KCNH7: variants seen among roughly 807,000 people sequenced by gnomAD.
KCNH7 encodes the protein voltage-gated inwardly rectifying potassium channel KCNH7.
KCNH7 carries 49 observed loss-of-function variants against 120.8 expected under a neutral mutation model. The observed-to-expected ratio is 0.41, with a 90% CI of 0.32 to 0.51. The LOEUF is 0.51. KCNH7 is among the 20% of genes least tolerant of loss of function. The pLI is 0.38. For synonymous variants in KCNH7, 547 were observed against 516.1 expected, an observed-to-expected ratio of 1.06 and a Z score of -0.81; for missense variants, 1,097 against 1,446.6, an observed-to-expected ratio of 0.76 and a Z score of 3.92.
intron 2 of KCNH7, among the ~76,000 whole-genome samples, chr2:162,569,089 G>C (rs1418047490): frequency 3.3e-5 from 5 of 152,078 alleles, no homozygotes; most frequent in Non-Finnish European, 5.9e-5. Flanking sequence ...GATTGGAATA[G>C]TTTCAGAAGG....
chr2:162,568,978 G>T (rs1029898739), intron 2 of KCNH7, among the ~76,000 whole-genome samples: 9 of 152,062 alleles, frequency 5.9e-5, no homozygotes, highest in Admixed American at 4.6e-4. Context: ...TGGGATATTG[G>T]TCTAAAATTC....
intron 2 of KCNH7, among the ~76,000 whole-genome samples, chr2:162,620,768 C>G (rs537979443): frequency 6.6e-6 from 1 of 152,094 alleles, no homozygotes; most frequent in Non-Finnish European, 1.5e-5. Flanking sequence ...TACAATTTTT[C>G]TTGCATCTTT....
chr2:162,558,381 A>C (rs1174497217), intron 2 of KCNH7, among the ~76,000 whole-genome samples: 1 of 151,614 alleles, frequency 6.6e-6, no homozygotes, highest in South Asian at 2.1e-4. Context: ...TCACCATCTT[A>C]GCCAGGATGG....
At chr2:162,684,451 C>G (rs1349533130) in intron 2 of KCNH7, among the ~76,000 whole-genome samples, 2 of 152,128 alleles carry the variant, frequency 1.3e-5, no homozygotes, top group African/African-American at 4.8e-5. Context: ...ATCTACCCAT[C>G]TGACAAAGGG....
At chr2:162,529,541 T>A (rs1691842884) in intron 3 of KCNH7, among the ~76,000 whole-genome samples, 1 of 151,692 alleles carries the variant, frequency 6.6e-6, no homozygotes. Flanking sequence ...TCAAATATAG[T>A]TTTCAATAAT....
intron 2 of KCNH7, among the ~76,000 whole-genome samples, chr2:162,588,657 A>G (rs562264817): frequency 5.1e-4 from 78 of 152,118 alleles, no homozygotes; most frequent in Non-Finnish European, 9.1e-4. Flanking sequence ...TGATGTTTTG[A>G]TAAATATAAT....
intron 2 of KCNH7, among the ~76,000 whole-genome samples, chr2:162,744,951 C>T (rs1411015167): frequency 6.6e-6 from 1 of 152,182 alleles, no homozygotes; most frequent in Non-Finnish European, 1.5e-5. Flanking sequence ...TACTCAGACA[C>T]CACTTAACTT....
At chr2:162,765,356 T>G (rs988875132) in intron 2 of KCNH7, among the ~76,000 whole-genome samples, 1 of 152,210 alleles carries the variant, frequency 6.6e-6, no homozygotes, top group African/African-American at 2.4e-5. Flanking sequence ...TGACATTGTG[T>G]TTAAGAATGA....
rs1164120231 is a variant in KCNH7 at position 162,435,562 on chromosome 2, T to A, written c.1590A>T (p.Arg530=). 2.5e-6 allele frequency: 4 copies of A among 1,607,088 alleles called. No homozygotes were observed. The highest frequency in any genetic ancestry group is 3.4e-6 in the Non-Finnish European group (4 of 1,176,092). The stretch of plus-strand genomic sequence containing the variant: ...TGGCCACGCGCACAAGACGGAGGAG[T>A]CGGGCAGTCTTCAAAAGACCAATTA... The part of the protein sequence containing the change: ...TTLIGLLKTA[R]LLRLVRVARK... The change falls in exon 8 of 16, where the codon CGA becomes CGT. Residue 530 remains arginine (R), a synonymous_variant. Transcript: ENST00000332142.
rs780314916 is a variant in KCNH7, at chr2:162,702,444, T to C, written c.307+134093A>G. Among the ~76,000 whole-genome samples the C allele has an allele frequency of 4.6e-5, 7 of 152,164 alleles. No homozygotes were observed. In the South Asian group the frequency reaches 6.2e-4, roughly 14 times the overall value. Reference sequence around the variant, plus strand: ...TGGTTCTCACCTTCAATATAATGCGTTATCACTTTAATACAGTCAATGGAA... The same window carrying C: ...TGGTTCTCACCTTCAATATAATGCGCTATCACTTTAATACAGTCAATGGAA... On this transcript the variant is annotated intron_variant, in intron 2 of 15. Transcript: ENST00000332142.
chr2:162,530,674 G>A (rs1019410471), intron 3 of KCNH7, among the ~76,000 whole-genome samples: 2 of 152,068 alleles, frequency 1.3e-5, no homozygotes, highest in Middle Eastern at 3.4e-3. Context: ...TCACAATTTT[G>A]AAGGTTAAGA....
intron 2 of KCNH7, among the ~76,000 whole-genome samples, chr2:162,814,492 G>A (rs761283964): frequency 2.0e-5 from 3 of 152,116 alleles, no homozygotes; most frequent in East Asian, 1.9e-4. Flanking sequence ...TAAATCTGTC[G>A]TTTGGAACAA....
At chr2:162,441,220 G>T (rs566521135) in intron 7 of KCNH7, among the ~76,000 whole-genome samples, 20 of 152,178 alleles carry the variant, frequency 1.3e-4, no homozygotes, top group Admixed American at 1.2e-3. Flanking sequence ...AATATGATTT[G>T]TTCCTAAAAG....
At chr2:162,463,649 A>C (rs1168310279) in intron 6 of KCNH7, among the ~76,000 whole-genome samples, 1 of 151,990 alleles carries the variant, frequency 6.6e-6, no homozygotes, top group Non-Finnish European at 1.5e-5. Flanking sequence ...GAAGTTGGTT[A>C]TTTGAAAAAT....
At chr2:162,514,283 T>C (rs1238262035) in intron 4 of KCNH7, among the ~76,000 whole-genome samples, 2 of 151,692 alleles carry the variant, frequency 1.3e-5, no homozygotes, top group Non-Finnish European at 2.9e-5. Context: ...AAGAAACAAA[T>C]AGAGATAGTG....
intron 2 of KCNH7, among the ~76,000 whole-genome samples, chr2:162,794,923 G>C (rs967740273): frequency 1.3e-5 from 2 of 151,882 alleles, no homozygotes; most frequent in African/African-American, 2.4e-5. Flanking sequence ...TAAAAGTTCT[G>C]ATTCATGACC....
chr2:162,699,752 G>C (rs1686424680), intron 2 of KCNH7, among the ~76,000 whole-genome samples: 2 of 152,108 alleles, frequency 1.3e-5, no homozygotes, highest in South Asian at 2.1e-4. Context: ...AGCTTTTCCT[G>C]TTCCTGGTGA....
chr2:162,574,245 G>A (rs1181715542), intron 2 of KCNH7, among the ~76,000 whole-genome samples: 1 of 152,038 alleles, frequency 6.6e-6, no homozygotes, highest in East Asian at 1.9e-4. Flanking sequence ...CAATGCAAAT[G>A]TGACGGCTTG....
chr2:162,741,286 T>TATTAATAACATATGTTATTAATTAC (rs1688124196), intron 2 of KCNH7, among the ~76,000 whole-genome samples: 1 of 144,400 alleles, frequency 6.9e-6, no homozygotes, highest in African/African-American at 2.6e-5. Context: ...TTATTAGTTA[T>TATTAATAACATATGTTATTAATTAC]ACATATTAAT....
Sources: gnomAD v4.1 joint callset for allele counts (sites outside exome capture counted in the v4.1 genomes callset) on GRCh38, gnomAD v4.1.1 for gene constraint, MANE v1.5 for transcripts, NCBI Gene and HGNC (gene_info 2026-07-23, HGNC 2026-07-21) for gene names.